TAFA2: variants seen among roughly 807,000 people sequenced by gnomAD.
TAFA2 encodes chemokine-like protein TAFA-2.
In TAFA2, 7 loss-of-function variants were observed where a neutral mutation model predicts 18.8. That is an observed-to-expected ratio of 0.37 (90% CI 0.21 to 0.70). The LOEUF is 0.70. TAFA2 is among the 30% of genes least tolerant of loss of function. TAFA2 has a pLI of 0.53. For synonymous variants in TAFA2, 60 were observed against 54.2 expected (o/e 1.11, Z -0.47); for missense variants, 122 against 158.1 (o/e 0.77, Z 1.23).
intron 2 of TAFA2, among the ~76,000 whole-genome samples, chr12:61,811,640 G>A (rs1419874562): frequency 4.0e-5 from 6 of 151,420 alleles, no homozygotes; most frequent in Admixed American, 2.0e-4. Flanking sequence ...AGAGTATTGT[G>A]AGACTTTAGG....
intron 1 of TAFA2, among the ~76,000 whole-genome samples, chr12:62,090,587 T>A (rs2136833392): frequency 6.6e-6 from 1 of 152,080 alleles, no homozygotes; most frequent in Non-Finnish European, 1.5e-5. Flanking sequence ...GGGACAGAAA[T>A]AGAGTCACTA....
chr12:61,762,948 C>G lies in TAFA2; in HGVS notation c.107-7924G>C, dbSNP rs142841639. On this transcript the variant is annotated intron_variant, in intron 2 of 4. Transcript: ENST00000416284. The stretch of plus-strand genomic sequence containing the variant: ...ATCACCTACATGCACCAATAGGCAA[C>G]TGAAATGCGAGCTAGTTAGTGGATT... Among the ~76,000 whole-genome samples, 910 of 152,126 alleles carry G rather than the reference C, an allele frequency of 6.0e-3. 3 individuals carry two copies. Among genetic ancestry groups the G allele is most frequent in the African/African-American group, 0.021 (866 of 41,526 alleles).
chr12:62,034,990 A>G (rs1881560378), intron 1 of TAFA2, among the ~76,000 whole-genome samples: 1 of 152,220 alleles, frequency 6.6e-6, no homozygotes, highest in Non-Finnish European at 1.5e-5. Context: ...TTGTATCAAA[A>G]TAACCACATC....
intron 1 of TAFA2, chr12:62,070,400 A>C (rs959913518): frequency 6.6e-6 from 1 of 152,228 alleles, no homozygotes; most frequent in Non-Finnish European, 1.5e-5. Flanking sequence ...CACAAAAGCA[A>C]TTATAGTCAA....
intron 1 of TAFA2, among the ~76,000 whole-genome samples, chr12:62,181,352 T>C (rs1477153611): frequency 8.5e-5 from 13 of 152,202 alleles, no homozygotes; most frequent in Non-Finnish European, 1.6e-4. Flanking sequence ...ATGCTAAACA[T>C]TGAGAATCAA....
intron 1 of TAFA2, among the ~76,000 whole-genome samples, chr12:62,036,777 C>A (rs348683): frequency 2.0e-5 from 3 of 152,246 alleles, no homozygotes; most frequent in East Asian, 3.9e-4. Context: ...AAAGCAGATA[C>A]CAAATACTGA....
chr12:61,823,534 G>A (rs951744473), intron 2 of TAFA2, among the ~76,000 whole-genome samples: 45 of 152,076 alleles, frequency 3.0e-4, no homozygotes, highest in African/African-American at 7.2e-5. Flanking sequence ...ACTCCGTCTC[G>A]GCATTGCTGT....
chr12:61,760,365 A>ATATATATAT (rs1869483548), intron 2 of TAFA2, among the ~76,000 whole-genome samples: 1 of 122,180 alleles, frequency 8.2e-6, no homozygotes, highest in African/African-American at 3.0e-5. Flanking sequence ...AAAATATCAA[A>ATATATATAT]ATATATATAT....
At chr12:62,258,281 CTGA>C (rs1482430845) in intron 1 of TAFA2, 2 of 152,162 alleles carry the variant, frequency 1.3e-5, no homozygotes, top group African/African-American at 4.8e-5. Flanking sequence ...CTCCATAAAT[CTGA>C]TGTATAATTC....
At chr12:62,008,311 T>C (rs757765998) in intron 1 of TAFA2, among the ~76,000 whole-genome samples, 1 of 152,170 alleles carries the variant, frequency 6.6e-6, no homozygotes, top group African/African-American at 2.4e-5. Flanking sequence ...CTATAAATAA[T>C]CTATAAAAAT....
intron 1 of TAFA2, among the ~76,000 whole-genome samples, chr12:62,220,963 C>A (rs578120927): frequency 1.3e-4 from 20 of 151,744 alleles, no homozygotes; most frequent in African/African-American, 4.6e-4. Flanking sequence ...AAAAATTAGC[C>A]GGGCATGGTA....
At chr12:61,910,658 T>G (rs999304526) in intron 1 of TAFA2, among the ~76,000 whole-genome samples, 1 of 152,218 alleles carries the variant, frequency 6.6e-6, no homozygotes, top group Admixed American at 6.5e-5. Context: ...AATAAGATTT[T>G]GTAGGCTGGT....
At chr12:61,811,219 T>C (rs984047204) in intron 2 of TAFA2, among the ~76,000 whole-genome samples, 1 of 151,412 alleles carries the variant, frequency 6.6e-6, no homozygotes, top group Non-Finnish European at 1.5e-5. Flanking sequence ...CTAACATTTA[T>C]TGAGTGCTTA....
At chr12:62,134,920 C>T (rs1362829101) in intron 1 of TAFA2, among the ~76,000 whole-genome samples, 2 of 151,944 alleles carry the variant, frequency 1.3e-5, no homozygotes, top group African/African-American at 4.8e-5. Context: ...ACATTACCTA[C>T]TTTCTTCCTG....
intron 1 of TAFA2, chr12:61,880,564 G>T: frequency 2.1e-6 from 1 of 481,914 alleles, no homozygotes. Flanking sequence ...TCTACTCAAA[G>T]ACCACCAGTG....
rs113760046 is a variant in TAFA2 at position 61,714,177 on chromosome 12, A to G, written c.385-3760T>C. Among the ~76,000 whole-genome samples, 1,075 of 152,244 alleles carry G rather than the reference A, an allele frequency of 7.1e-3. 13 individuals carry two copies. The highest frequency in any genetic ancestry group is 0.025 in the African/African-American group (1,026 of 41,556). On this transcript the variant is annotated intron_variant, in intron 4 of 4. Transcript: ENST00000416284. Reference sequence around the variant, plus strand: ...ATAGATATAAAATACTGCATGAGGGAGAGAAATGGCCCTATGATTGTTATG... The same window carrying G: ...ATAGATATAAAATACTGCATGAGGGGGAGAAATGGCCCTATGATTGTTATG...
intron 1 of TAFA2, among the ~76,000 whole-genome samples, chr12:62,121,084 C>G (rs1320471370): frequency 6.6e-6 from 1 of 151,986 alleles, no homozygotes; most frequent in South Asian, 2.1e-4. Context: ...AAACTCCTGA[C>G]CTCCGGTGAT....
chr12:61,805,307 T>C (rs1871565023), intron 2 of TAFA2, among the ~76,000 whole-genome samples: 1 of 152,056 alleles, frequency 6.6e-6, no homozygotes, highest in South Asian at 2.1e-4. Flanking sequence ...TGGTACCTGA[T>C]AGCAATTAAG....
At chr12:62,047,737 G>GT (rs1219922252) in intron 1 of TAFA2, among the ~76,000 whole-genome samples, 2 of 152,142 alleles carry the variant, frequency 1.3e-5, no homozygotes, top group South Asian at 2.1e-4. Flanking sequence ...ACCTAAGAAA[G>GT]TTTTTTTAAA....
Sources: allele counts gnomAD v4.1 joint callset (sites outside exome capture counted in the v4.1 genomes callset), GRCh38; gene constraint gnomAD v4.1.1; transcripts MANE v1.5; gene names NCBI Gene and HGNC (gene_info 2026-07-23, HGNC 2026-07-21).